Variants in IPO13 observed in about 807,000 individuals in gnomAD.
The protein encoded by IPO13 is importin-13.
Under a neutral mutation model 115.5 loss-of-function variants are expected in IPO13, and 28 were observed. That is an observed-to-expected ratio of 0.24 (90% CI 0.18 to 0.33). IPO13 has a LOEUF of 0.33. Ranked by LOEUF, IPO13 falls within the 10% of genes least tolerant of loss-of-function variation. The pLI, the probability that IPO13 is intolerant of heterozygous loss-of-function variation, is 1.00. For missense variants in IPO13, 785 were observed against 1,204.6 expected, an observed-to-expected ratio of 0.65 and a Z score of 5.16; for synonymous variants, 414 against 478.9, an observed-to-expected ratio of 0.86 and a Z score of 1.77.
Position 43,957,544 on chromosome 1 carries a change from C to T in IPO13, c.1535C>T (p.Thr512Ile). The T allele has an allele frequency of 6.2e-7, 1 of 1,614,166 alleles. No individual in the cohort carries two copies. The highest frequency in any genetic ancestry group is 8.5e-7 in the Non-Finnish European group (1 of 1,180,018). ...NVQLADTVMFTIGALSEWLAD... is the reference protein window; with the variant it reads ...NVQLADTVMFIIGALSEWLAD... ...CAGCTGGCAGACACTGTCATGTTCA[C>T]CATTGGTGAGACCTGGCACACACCC... is the stretch of plus-strand genomic sequence containing the variant. Residue 512 changes from threonine (T) to isoleucine (I), a missense_variant, in exon 7 of 20, where the codon ACC (threonine) becomes ATC (isoleucine). Physicochemically the swap from Thr to Ile is moderately conservative, Grantham distance 89. Transcript: ENST00000372343.
intron 12 of IPO13, among the ~76,000 whole-genome samples, 179 bp downstream of exon 12, chr1:43,960,508 A>G (rs1312526454): frequency 1.3e-5 from 2 of 152,202 alleles, no homozygotes; most frequent in Non-Finnish European, 2.9e-5. Context: ...TATCATGAGA[A>G]GTGCTTAACG....
rs1445758228 is a variant in IPO13, at chr1:43,966,348, A to G, written c.2398-227A>G. On this transcript the variant is annotated intron_variant, in intron 15 of 19. Transcript: ENST00000372343. This position sits in a 1 kb window ranked among gnomAD's most constrained non-coding sequence, Gnocchi z 4.1. ...TCCCCACCCCCAACCTCTCTCACGT[A>G]CACCTGCGTGTTCATGTACACATAC... is the stretch of plus-strand genomic sequence containing the variant. 3 of 597,258 alleles carry G rather than the reference A, an allele frequency of 5.0e-6. No homozygotes were observed. The highest frequency in any genetic ancestry group is 9.0e-6 in the Non-Finnish European group (3 of 333,632). 37.0% of individuals were successfully genotyped at this position (597,258 alleles called of 1,614,324 possible). A position where few individuals can be genotyped will look rare whatever the true frequency, so the allele number is the denominator to read the frequency against.
At position 43,967,250 on chromosome 1, in the gene IPO13, C is replaced by T. The variant is rs796723308; in HGVS notation, c.2614-65C>T. 50 of 1,535,486 alleles carry T rather than the reference C, an allele frequency of 3.3e-5. No homozygotes were observed. The African/African-American group carries it at 6.1e-4, about 19-fold the overall frequency. On this transcript the variant is annotated intron_variant, in intron 18 of 19. Coordinates refer to ENST00000372343, the MANE Select transcript of IPO13 (RefSeq NM_014652.4). This position sits in a 1 kb window ranked among gnomAD's most constrained non-coding sequence, Gnocchi z 6.1. Reference sequence around the variant, plus strand: ...AGGAACTGTCCAGAGGGCAGTTAGGCATTCTTGCTGCAGAAGCGGCGGAAG... The same window carrying T: ...AGGAACTGTCCAGAGGGCAGTTAGGTATTCTTGCTGCAGAAGCGGCGGAAG...
At chr1:43,954,787 T>C (rs899458536) in intron 2 of IPO13, among the ~76,000 whole-genome samples, 2 of 152,224 alleles carry the variant, frequency 1.3e-5, no homozygotes, top group African/African-American at 4.8e-5. Context: ...TTCTCATCTA[T>C]TCCCATAACT....
At position 43,947,659 on chromosome 1, in the gene IPO13, A is replaced by T; in HGVS notation, c.59A>T (p.Asp20Val). The change falls in exon 1 of 20, where the codon GAC becomes GTC. Residue 20 changes from aspartate to valine, a missense_variant. Asp to Val is a radical substitution (Grantham distance 152, BLOSUM62 -3). Coordinates refer to ENST00000372343, the MANE Select transcript of IPO13 (RefSeq NM_014652.4). ...AAGAGAAPALDFTVENVEKAL... is the reference protein window; with the variant it reads ...AAGAGAAPALVFTVENVEKAL... ...GGGGCTGGAGCAGCACCAGCCTTGG[A>T]CTTCACTGTGGAGAACGTGGAGAAG... The T allele has an allele frequency of 2.3e-6, 3 of 1,331,012 alleles. No individual in the cohort carries two copies. The highest frequency in any genetic ancestry group is 2.9e-6 in the Non-Finnish European group (3 of 1,032,164). 82.5% of individuals were successfully genotyped at this position (1,331,012 alleles called of 1,614,324 possible).
chr1:43,949,972 T>C lies in IPO13; in HGVS notation c.640T>C (p.Ser214Pro). ...GGAGCAGCTGCTACAGCAGCCCAGC[T>C]CACCCAGCTGTGTGCGTCAGAAGGT... ...LLEQLLQQPS[S>P]PSCVRQKVLK... Residue 214 changes from serine to proline, a missense_variant, in exon 2 of 20, where the codon TCA becomes CCA. Coordinates refer to ENST00000372343, the MANE Select transcript of IPO13 (RefSeq NM_014652.4). 2 of 1,611,432 alleles carry C rather than the reference T, an allele frequency of 1.2e-6. No individual in the cohort carries two copies. Among genetic ancestry groups the C allele is most frequent in the Non-Finnish European group, 1.7e-6 (2 of 1,179,530 alleles).
In IPO13 at chr1:43,960,136, G is replaced by A. The variant is rs1272974874; in HGVS notation, c.2029-113G>A. 82 of 910,652 alleles carry A rather than the reference G, an allele frequency of 9.0e-5. 2 individuals are homozygous for A. The Admixed American group carries it at 1.4e-3, about 16-fold the overall frequency. 56.4% of individuals were successfully genotyped at this position (910,652 alleles called of 1,614,324 possible). ...GTCCCATGCCCTGGGTCCTCAATGT[G>A]TGTTCTGGGGTAATAGGTCTGAACT... is the stretch of plus-strand genomic sequence containing the variant. On this transcript the variant is annotated intron_variant, in intron 11 of 19. Transcript: ENST00000372343.
intron 2 of IPO13, among the ~76,000 whole-genome samples, chr1:43,950,524 C>G (rs2085201856): frequency 6.6e-6 from 1 of 152,242 alleles, no homozygotes; most frequent in South Asian, 2.1e-4. Flanking sequence ...CTTGTCCTCA[C>G]TCTTGTACCC....
In IPO13 at chr1:43,967,372, G is replaced by A. The variant is rs772498559; in HGVS notation, c.2671G>A (p.Ala891Thr). Residue 891 changes from alanine (A) to threonine (T), a missense_variant, in exon 19 of 20, where the codon GCC becomes ACC. Ala to Thr is a moderately conservative substitution (Grantham distance 58). Transcript: ENST00000372343. The surrounding 1 kb of genome is among the most constrained non-coding windows in gnomAD (Gnocchi z 6.1). ...GGACTGCTTTGCCGATATCCTGTTC[G>A]CCCTGAACAAGCACTGCTTCAGCCT... is the stretch of plus-strand genomic sequence containing the variant. The part of the protein sequence containing the change: ...LMDCFADILF[A>T]LNKHCFSLLS... 5.0e-6 allele frequency: 8 copies of A among 1,613,984 alleles called. No homozygotes were observed. The highest frequency in any genetic ancestry group is 1.6e-4 in the Middle Eastern group (1 of 6,084).
At position 43,948,735 on chromosome 1, in the gene IPO13, G is replaced by A. The variant is rs190076094; in HGVS notation, c.85-682G>A. On this transcript the variant is annotated intron_variant, in intron 1 of 19. Transcript: ENST00000372343. Reference sequence around the variant, plus strand: ...CTGTTTTCTTACTTCATAAAGTCCCGTTGGAATTGAGACCCCGGGGATTCT... The same window carrying A: ...CTGTTTTCTTACTTCATAAAGTCCCATTGGAATTGAGACCCCGGGGATTCT... Among the ~76,000 whole-genome samples, 13 of 152,314 alleles carry A rather than the reference G, an allele frequency of 8.5e-5. No individual in the cohort carries two copies. The East Asian group carries it at 2.5e-3, about 29-fold the overall frequency.
At position 43,955,277 on chromosome 1, in the gene IPO13, T is replaced by A. The variant is rs559476033; in HGVS notation, c.822-1043T>A. ...CCTTCCAAAGTCTTTTTTTTTTTTT[T>A]AAATCAGGGCTTATGAGCCTGTGTT... On this transcript the variant is annotated intron_variant, in intron 2 of 19. Transcript: ENST00000372343. Among the ~76,000 whole-genome samples, 59 of 151,958 alleles carry A rather than the reference T, an allele frequency of 3.9e-4. 1 individual carries two copies. The South Asian group carries it at 8.5e-3, about 22-fold the overall frequency.
At position 43,956,395 on chromosome 1, in the gene IPO13, T is replaced by C; in HGVS notation, c.897T>C (p.Asn299=). The C allele has an allele frequency of 1.2e-6, 2 of 1,614,142 alleles. No homozygotes were observed. Among genetic ancestry groups the C allele is most frequent in the Non-Finnish European group, 1.7e-6 (2 of 1,180,020 alleles). Residue 299 remains asparagine, a synonymous_variant, in exon 3 of 20, where the codon AAT becomes AAC. Coordinates refer to ENST00000372343, the MANE Select transcript of IPO13 (RefSeq NM_014652.4). The surrounding 1 kb of genome is among the most constrained non-coding windows in gnomAD (Gnocchi z 4.7). ...LQEQLRQAVQ[N]GDMETSHGIC... Reference sequence around the variant, plus strand: ...AACAACTGCGGCAGGCAGTGCAGAATGGGGACATGGAGACCTCCCATGGCA... The same window carrying C: ...AACAACTGCGGCAGGCAGTGCAGAACGGGGACATGGAGACCTCCCATGGCA...
Position 43,967,645 on chromosome 1 carries a change from G to A in IPO13, c.2855G>A (p.Arg952Gln), listed in dbSNP as rs2085336170. The change falls in exon 20 of 20, where the codon CGG (arginine) becomes CAG (glutamine). Residue 952 changes from arginine (R) to glutamine (Q), a missense_variant. This residue lies in a region of IPO13 where 285 missense variants were observed against 394.8 expected (regional missense o/e 0.72). Coordinates refer to ENST00000372343, the MANE Select transcript of IPO13 (RefSeq NM_014652.4). This position sits in a 1 kb window ranked among gnomAD's most constrained non-coding sequence, Gnocchi z 6.1. ...EMVKEFTLLC[R>Q]GLHGTDYTAD... ...GTGAAGGAGTTCACACTGCTGTGCC[G>A]GGGTCTCCATGGCACAGATTACACA... 8 of 1,614,104 alleles carry A rather than the reference G, an allele frequency of 5.0e-6. No homozygotes were observed. Among genetic ancestry groups the A allele is most frequent in the African/African-American group, 1.3e-5 (1 of 75,036 alleles).
intron 11 of IPO13, 62 bp from the exon 12 acceptor site, chr1:43,960,187 C>T: frequency 6.6e-7 from 1 of 1,519,294 alleles, no homozygotes; most frequent in Non-Finnish European, 9.1e-7. Context: ...GCCACCAAGT[C>T]CTCCTCAAGT....
chr1:43,947,566 T>C lies in IPO13; in HGVS notation c.-35T>C. Reference sequence around the variant, plus strand: ...CCAAGGGGCTGGGGCAGGAGACAGATCAGGGCCCACCTCCCTGCCAGGGAG... The same window carrying C: ...CCAAGGGGCTGGGGCAGGAGACAGACCAGGGCCCACCTCCCTGCCAGGGAG... On this transcript the variant is annotated 5_prime_UTR_variant, in exon 1 of 20. Transcript: ENST00000372343. 8.3e-7 allele frequency: 1 copy of C among 1,206,092 alleles called. No homozygotes were observed. Among genetic ancestry groups the C allele is most frequent in the Non-Finnish European group, 1.1e-6 (1 of 938,684 alleles). 74.7% of individuals were successfully genotyped at this position (1,206,092 alleles called of 1,614,324 possible).
chr1:43,967,501 G>A lies in IPO13; in HGVS notation c.2795+5G>A. On this transcript the variant is annotated splice_donor_5th_base_variant and intron_variant, in intron 19 of 19. Coordinates refer to ENST00000372343, the MANE Select transcript of IPO13 (RefSeq NM_014652.4). This position sits in a 1 kb window ranked among gnomAD's most constrained non-coding sequence, Gnocchi z 6.1. ...CTTCAGCCAGCAGATCCTTCGGTGA[G>A]CAGAGCTGGGGTGGGCCTGGGGTCA... The A allele has an allele frequency of 6.2e-7, 1 of 1,614,144 alleles. No individual in the cohort carries two copies.
In IPO13 at chr1:43,947,194, C is replaced by T; in HGVS notation, c.-407C>T. 1 of 398,844 alleles carries T rather than the reference C, an allele frequency of 2.5e-6. No individual in the cohort carries two copies. Among genetic ancestry groups the T allele is most frequent in the East Asian group, 3.6e-5 (1 of 28,060 alleles). The allele number at this position is 398,844 out of a possible 1,614,324, so 24.7% of individuals were successfully genotyped here. A position where few individuals can be genotyped will look rare whatever the true frequency, so the allele number is the denominator to read the frequency against. ...GACCTGTTCATAGCAGCCGAGAGCT[C>T]ACCCAGGCGGGGGTGTTGTGGGTAC... is the stretch of plus-strand genomic sequence containing the variant. On this transcript the variant is annotated 5_prime_UTR_variant, in exon 1 of 20. Coordinates refer to ENST00000372343, the MANE Select transcript of IPO13 (RefSeq NM_014652.4).
In IPO13 at chr1:43,958,175, G is replaced by T. The variant is rs750161695; in HGVS notation, c.1722+17G>T. ...GTGTCCCAGGTATGCAGGGGCCCTG[G>T]ATGGTGCTGGGCCTCAGAGCACACT... On this transcript the variant is annotated intron_variant, in intron 8 of 19. Transcript: ENST00000372343. This position sits in a 1 kb window ranked among gnomAD's most constrained non-coding sequence, Gnocchi z 6.3. The T allele has an allele frequency of 6.2e-6, 10 of 1,613,712 alleles. No individual in the cohort carries two copies. The highest frequency in any genetic ancestry group is 1.3e-5 in the African/African-American group (1 of 74,888).
intron 14 of IPO13, among the ~76,000 whole-genome samples, chr1:43,963,473 C>T (rs552863448): frequency 1.3e-5 from 2 of 152,334 alleles, no homozygotes; most frequent in Middle Eastern, 6.8e-3. Context: ...TTTCTTGTTT[C>T]CCTGTTTCTT....
Sources: gnomAD v4.1 joint callset for allele counts (sites outside exome capture counted in the v4.1 genomes callset) on GRCh38, gnomAD v4.1.1 for gene constraint, gnomAD v4.1.1 regional missense constraint, Gnocchi (gnomAD v3.1) non-coding constraint, MANE v1.5 for transcripts, NCBI Gene and HGNC (gene_info 2026-07-23, HGNC 2026-07-21) for gene names.